GPR39: variants seen among roughly 807,000 people sequenced by gnomAD.
The protein encoded by GPR39 is zinc sensing receptor.
Under a neutral mutation model 18.4 loss-of-function variants are expected in GPR39, and 23 were observed. That is an observed-to-expected ratio of 1.25 (90% confidence interval 0.90 to 1.77). GPR39 has a LOEUF of 1.77. Ranked by LOEUF, GPR39 falls within the 40% of genes most tolerant of loss-of-function variation. The pLI is 0.00. For synonymous variants in GPR39, 280 were observed against 257.9 expected (o/e 1.09, Z -0.82); for missense variants, 647 against 602.4 (o/e 1.07, Z -0.78).
intron 1 of GPR39, among the ~76,000 whole-genome samples, chr2:132,558,304 G>A (rs1163616696): frequency 6.6e-6 from 1 of 151,974 alleles, no homozygotes; most frequent in East Asian, 1.9e-4. Context: ...ATGAGAATGT[G>A]TGAAAAGTGC....
intron 1 of GPR39, among the ~76,000 whole-genome samples, chr2:132,573,374 A>T (rs1680475918): frequency 6.6e-6 from 1 of 152,214 alleles, no homozygotes; most frequent in South Asian, 2.1e-4. Flanking sequence ...TGGATTCCCA[A>T]ATAAGAAAAG....
intron 1 of GPR39, among the ~76,000 whole-genome samples, chr2:132,553,385 A>G (rs1482049599): frequency 6.9e-6 from 1 of 145,470 alleles, no homozygotes; most frequent in Non-Finnish European, 1.5e-5. Flanking sequence ...GTGTGTATAT[A>G]TATAGTGTAT....
chr2:132,482,698 C>G (rs746750390), intron 1 of GPR39, among the ~76,000 whole-genome samples: 16 of 152,176 alleles, frequency 1.1e-4, no homozygotes, highest in Non-Finnish European at 2.2e-4. Flanking sequence ...TATTTTGATA[C>G]CAAACTGTTG....
chr2:132,506,601 C>A (rs1248057326), intron 1 of GPR39, among the ~76,000 whole-genome samples: 1 of 152,140 alleles, frequency 6.6e-6, no homozygotes, highest in African/African-American at 2.4e-5. Context: ...GAAGGCACCT[C>A]TTCACAGGGC....
intron 1 of GPR39, among the ~76,000 whole-genome samples, chr2:132,555,745 C>T (rs1018599804): frequency 6.6e-5 from 10 of 152,096 alleles, no homozygotes; most frequent in Non-Finnish European, 1.5e-4. Context: ...AGGCCAACTT[C>T]AAGGCTGACT....
At chr2:132,518,508 C>G (rs1679371859) in intron 1 of GPR39, among the ~76,000 whole-genome samples, 1 of 152,142 alleles carries the variant, frequency 6.6e-6, no homozygotes, top group Non-Finnish European at 1.5e-5. Flanking sequence ...GTCTCATCCG[C>G]CCCGTTCATG....
intron 1 of GPR39, among the ~76,000 whole-genome samples, chr2:132,603,173 A>T (rs1226192817): frequency 1.3e-5 from 2 of 152,178 alleles, no homozygotes; most frequent in African/African-American, 4.8e-5. Context: ...GGAAAATGTG[A>T]TGTATATATG....
At chr2:132,502,930 T>C (rs1271687150) in intron 1 of GPR39, among the ~76,000 whole-genome samples, 1 of 152,188 alleles carries the variant, frequency 6.6e-6, no homozygotes, top group African/African-American at 2.4e-5. Context: ...GATTGTTTTT[T>C]ATTTATGATC....
intron 1 of GPR39, among the ~76,000 whole-genome samples, chr2:132,509,604 G>T (rs1043832502): frequency 2.0e-5 from 3 of 152,172 alleles, no homozygotes; most frequent in Non-Finnish European, 4.4e-5. Context: ...AACTTGGATA[G>T]TTGTGACCTT....
At position 132,441,551 on chromosome 2, in the gene GPR39, T is replaced by A. The variant is rs188276795; in HGVS notation, c.856+23653T>A. On this transcript the variant is annotated intron_variant, in intron 1 of 1. Coordinates refer to ENST00000329321, the MANE Select transcript of GPR39 (RefSeq NM_001508.3). ...ATGAAATGCTGGGCTTGGTGCTGTGTGTGGGAAGTGGCAATGGAAGGGCCC... is the reference window on the plus strand; with the variant it reads ...ATGAAATGCTGGGCTTGGTGCTGTGAGTGGGAAGTGGCAATGGAAGGGCCC... Among the ~76,000 whole-genome samples the A allele has an allele frequency of 9.2e-3, 1,408 of 152,272 alleles. 12 individuals are homozygous for A. Among genetic ancestry groups the A allele is most frequent in the Middle Eastern group, 0.037 (11 of 294 alleles).
chr2:132,561,425 G>A (rs539401000), intron 1 of GPR39, among the ~76,000 whole-genome samples: 5 of 152,234 alleles, frequency 3.3e-5, no homozygotes, highest in African/African-American at 9.6e-5. Context: ...CTTAGTGTAG[G>A]AGATGACTTC....
At position 132,458,214 on chromosome 2, in the gene GPR39, A is replaced by G. The variant is rs544045362; in HGVS notation, c.856+40316A>G. On this transcript the variant is annotated intron_variant, in intron 1 of 1. Transcript: ENST00000329321. ...GCAGAAATCACCTGTCTTCTGCATC[A>G]GTCATGCTGGGAGCTGCAGACTGGA... 2.7e-3 allele frequency among the ~76,000 whole-genome samples: 409 copies of G among 152,278 alleles called. 2 individuals carry two copies. The highest frequency in any genetic ancestry group is 7.0e-3 in the Admixed American group (107 of 15,304).
chr2:132,457,786 G>T (rs1297860209), intron 1 of GPR39, among the ~76,000 whole-genome samples: 2 of 152,204 alleles, frequency 1.3e-5, no homozygotes. Flanking sequence ...GGTGGGCTCC[G>T]CCCAGTTTGA....
intron 1 of GPR39, among the ~76,000 whole-genome samples, chr2:132,600,326 A>C (rs560049873): frequency 6.6e-6 from 1 of 152,216 alleles, no homozygotes; most frequent in Non-Finnish European, 1.5e-5. Flanking sequence ...CAACCTAACA[A>C]TGCACCTCAA....
intron 1 of GPR39, among the ~76,000 whole-genome samples, chr2:132,577,646 G>T (rs1433770496): frequency 6.6e-6 from 1 of 152,180 alleles, no homozygotes; most frequent in African/African-American, 2.4e-5. Flanking sequence ...GTGACTGACT[G>T]TAAGTGGCAT....
chr2:132,589,212 TC>T (rs547376441), intron 1 of GPR39, among the ~76,000 whole-genome samples: 38 of 102,002 alleles, frequency 3.7e-4, no homozygotes, highest in Non-Finnish European at 5.1e-4. Flanking sequence ...TCTGGCCATG[TC>T]CCCCCCTCCC....
chr2:132,509,667 A>C (rs373633967), intron 1 of GPR39, among the ~76,000 whole-genome samples: 1 of 152,218 alleles, frequency 6.6e-6, no homozygotes, highest in South Asian at 2.1e-4. Context: ...GTGAGTAGGT[A>C]TAATGACCCC....
At chr2:132,449,305 T>A (rs1460486918) in intron 1 of GPR39, among the ~76,000 whole-genome samples, 1 of 152,166 alleles carries the variant, frequency 6.6e-6, no homozygotes, top group Non-Finnish European at 1.5e-5. Context: ...TGGAGTACAA[T>A]GGCGCGATCT....
intron 1 of GPR39, among the ~76,000 whole-genome samples, chr2:132,517,615 G>C (rs1671766419): frequency 6.6e-6 from 1 of 152,204 alleles, no homozygotes; most frequent in Non-Finnish European, 1.5e-5. Context: ...CAAAGGAACT[G>C]CTTAGATATG....
Sources: allele counts gnomAD v4.1 joint callset (sites outside exome capture counted in the v4.1 genomes callset), GRCh38; gene constraint gnomAD v4.1.1; transcripts MANE v1.5; gene names NCBI Gene and HGNC (gene_info 2026-07-23, HGNC 2026-07-21).